The following NEDD8 variants were observed in gnomAD, a reference collection of about 807,000 sequenced individuals.
The protein encoded by NEDD8 is NEDD8 ubiquitin like modifier, also known as ubiquitin-like protein NEDD8.
A neutral mutation model predicts 13.8 loss-of-function variants in NEDD8; 1 was observed. The observed-to-expected ratio is 0.07, with a 90% CI of 0.03 to 0.34. The LOEUF (loss-of-function observed/expected upper bound fraction) is 0.34, where lower values mean the gene tolerates loss of function less well. NEDD8 is among the 10% of genes least tolerant of loss of function. NEDD8 has a pLI of 0.99. For synonymous variants in NEDD8, 31 were observed against 33.2 expected (o/e 0.93, Z 0.23); for missense variants, 10 against 95.2 (o/e 0.10, Z 3.73).
chr14:24,223,206 C>A (rs1266262162), intron 1 of NEDD8, among the ~76,000 whole-genome samples: 1 of 151,652 alleles, frequency 6.6e-6, no homozygotes, highest in Non-Finnish European at 1.5e-5. Flanking sequence ...GTTTTGAGAC[C>A]AGCCTGGGCA....
intron 1 of NEDD8, among the ~76,000 whole-genome samples, chr14:24,231,154 G>A (rs1281089099): frequency 1.3e-5 from 2 of 152,122 alleles, no homozygotes; most frequent in African/African-American, 4.8e-5. Context: ...GCCTTCCAAA[G>A]TGCTGGGATT....
Position 24,218,290 on chromosome 14 carries a change from A to C in NEDD8, c.67-75T>G, listed in dbSNP as rs2039743131. On this transcript the variant is annotated intron_variant, in intron 2 of 3. Transcript: ENST00000250495. The stretch of plus-strand genomic sequence containing the variant: ...GAAACGGAAAGAACAAGGGCTATGC[A>C]GACAGCATGAGAGCAAAAGGACCAA... 9 of 1,613,734 alleles carry C rather than the reference A, an allele frequency of 5.6e-6. 1 individual carries two copies. The Admixed American group carries it at 1.3e-4, about 24-fold the overall frequency.
rs201497984 is a variant in NEDD8 at position 24,218,423 on chromosome 14, G to A, written c.27C>T (p.Thr9=). Residue 9 remains threonine, a synonymous_variant, in exon 2 of 4, where the codon ACC becomes ACT. Transcript: ENST00000250495. The stretch of plus-strand genomic sequence containing the variant: ...CAATGTCAATCTCAATCTCCTTTCC[G>A]GTCAGCGTCTGAAACAGGCAATGGT... MLIKVKTL[T]GKEIEIDIEP... is the part of the protein sequence containing the mutation. The A allele has an allele frequency of 5.0e-6, 8 of 1,613,986 alleles. No individual in the cohort carries two copies. The highest frequency in any genetic ancestry group is 2.7e-5 in the African/African-American group (2 of 74,894).
intron 1 of NEDD8, among the ~76,000 whole-genome samples, chr14:24,231,254 T>C (rs948996465): frequency 2.0e-5 from 3 of 152,066 alleles, no homozygotes; most frequent in Non-Finnish European, 2.9e-5. Flanking sequence ...ACGACTCTTA[T>C]ATAGGCCGCT....
At chr14:24,222,285 C>T (rs1287989175) in intron 1 of NEDD8, among the ~76,000 whole-genome samples, 2 of 152,036 alleles carry the variant, frequency 1.3e-5, no homozygotes, top group African/African-American at 2.4e-5. Context: ...TTTAGGATAA[C>T]TATTTGTAAT....
chr14:24,217,127 TCACTGCCTAAGAC>T lies in NEDD8; in HGVS notation c.233_245del (p.Gly78AspfsTer27). 5.0e-6 allele frequency: 8 copies of T among 1,611,084 alleles called. No homozygotes were observed. Among genetic ancestry groups the T allele is most frequent in the Non-Finnish European group, 6.8e-6 (8 of 1,178,298 alleles). On this transcript the variant is annotated frameshift_variant and stop_lost, in exon 4 of 4. Transcript: ENST00000250495. LOFTEE classifies it high-confidence loss of function. Reference sequence around the variant, plus strand: ...GTAAAGAGGTAAAATGGAGGGTCCATCACTGCCTAAGACCACCTCCTCCTCTCAGAGCCAACAC... The same window carrying T: ...GTAAAGAGGTAAAATGGAGGGTCCATCACCTCCTCCTCTCAGAGCCAACAC...
At chr14:24,217,946 C>A in intron 3 of NEDD8, 187 bp downstream of exon 3, 3 of 530,884 alleles carry the variant, frequency 5.7e-6, no homozygotes, top group Non-Finnish European at 9.7e-6. Context: ...TCCTTTAATT[C>A]TATATATTTT....
chr14:24,220,923 G>C (rs1259397085), intron 1 of NEDD8, among the ~76,000 whole-genome samples: 2 of 152,120 alleles, frequency 1.3e-5, no homozygotes, highest in Admixed American at 1.3e-4. Context: ...TCTCCTTATG[G>C]TATTCACATA....
intron 1 of NEDD8, among the ~76,000 whole-genome samples, chr14:24,230,053 A>AG (rs527404539): frequency 4.6e-5 from 7 of 151,340 alleles, no homozygotes; most frequent in African/African-American, 1.5e-4. Flanking sequence ...CTGGTGACAG[A>AG]GGGAGACTCC....
chr14:24,229,261 C>G (rs1406297779), intron 1 of NEDD8, among the ~76,000 whole-genome samples: 1 of 152,130 alleles, frequency 6.6e-6, no homozygotes, highest in Non-Finnish European at 1.5e-5. Flanking sequence ...ACTCTGTTGC[C>G]CAGGCTGGAG....
chr14:24,223,409 C>T (rs1035900906), intron 1 of NEDD8, among the ~76,000 whole-genome samples: 4 of 151,768 alleles, frequency 2.6e-5, no homozygotes, highest in Non-Finnish European at 1.5e-5. Context: ...CAAAAAAAAC[C>T]CAGAAAAACA....
At chr14:24,227,642 C>T (rs2039913992) in intron 1 of NEDD8, 2 of 152,252 alleles carry the variant, frequency 1.3e-5, no homozygotes, top group South Asian at 4.1e-4. Context: ...GGGATTAATA[C>T]ACGAGATGGG....
At chr14:24,227,626 A>G (rs1312877924) in intron 1 of NEDD8, 2 of 152,366 alleles carry the variant, frequency 1.3e-5, no homozygotes, top group East Asian at 3.9e-4. Flanking sequence ...CACCTGAATG[A>G]TTGATGGGAT....
At chr14:24,223,409 C>G (rs1035900906) in intron 1 of NEDD8, among the ~76,000 whole-genome samples, 3 of 151,768 alleles carry the variant, frequency 2.0e-5, no homozygotes, top group African/African-American at 7.3e-5. Context: ...CAAAAAAAAC[C>G]CAGAAAAACA....
At chr14:24,222,735 ATATAT>A (rs923797468) in intron 1 of NEDD8, among the ~76,000 whole-genome samples, 2 of 152,300 alleles carry the variant, frequency 1.3e-5, no homozygotes, top group South Asian at 2.1e-4. Flanking sequence ...ATAAAAATTA[ATATAT>A]TTTATGTTTT....
At chr14:24,228,322 G>A (rs1180599933) in intron 1 of NEDD8, 1 of 152,256 alleles carries the variant, frequency 6.6e-6, no homozygotes, top group African/African-American at 2.4e-5. Flanking sequence ...GAACCCAAGA[G>A]GCGGAGGTTG....
intron 1 of NEDD8, among the ~76,000 whole-genome samples, chr14:24,223,830 GCTCAAGCAATTCTCCTGCCTCAGC>G (rs2039846825): frequency 6.6e-6 from 1 of 151,960 alleles, no homozygotes; most frequent in Non-Finnish European, 1.5e-5. Context: ...CGCCTCCCAG[GCTCAAGCAATTCTCCTGCCTCAGC>G]CTCCCAAGTA....
At chr14:24,223,284 C>G (rs2039837287) in intron 1 of NEDD8, among the ~76,000 whole-genome samples, 1 of 151,582 alleles carries the variant, frequency 6.6e-6, no homozygotes, top group South Asian at 2.1e-4. Flanking sequence ...GTAGTCCCAG[C>G]AACTGGGTAC....
At chr14:24,226,089 G>A (rs776965774) in intron 1 of NEDD8, among the ~76,000 whole-genome samples, 1 of 150,342 alleles carries the variant, frequency 6.7e-6, no homozygotes, top group Non-Finnish European at 1.5e-5. Context: ...CCTAGGCACT[G>A]GAGGAAATAC....
Sources: allele counts gnomAD v4.1 joint callset (sites outside exome capture counted in the v4.1 genomes callset), GRCh38; gene constraint gnomAD v4.1.1; transcripts MANE v1.5; gene names NCBI Gene and HGNC (gene_info 2026-07-23, HGNC 2026-07-21).